The following CD109 variants were observed in gnomAD, a reference collection of about 807,000 sequenced individuals.
The protein encoded by CD109 is CD109 molecule.
In CD109, 149 loss-of-function variants were observed where a neutral mutation model predicts 165.8. The ratio of observed to expected loss-of-function variants is 0.90; its 90% CI spans 0.79 to 1.03. CD109 has a LOEUF of 1.03. Among genes scored for constraint, CD109 ranks in the 50% least tolerant of loss-of-function variants. The pLI is 0.00. For synonymous variants in CD109, 585 were observed against 592.1 expected, an observed-to-expected ratio of 0.99 and a Z score of 0.18; for missense variants, 1,712 against 1,677.8, an observed-to-expected ratio of 1.02 and a Z score of -0.36.
In CD109 at chr6:73,811,159, G is replaced by A. The variant is rs918017965; in HGVS notation, c.3702+12G>A. 8 of 1,607,206 alleles carry A rather than the reference G, an allele frequency of 5.0e-6. No individual in the cohort carries two copies. The African/African-American group carries it at 1.1e-4, about 22-fold the overall frequency. On this transcript the variant is annotated intron_variant, in intron 28 of 32. Coordinates refer to ENST00000287097, the MANE Select transcript of CD109 (RefSeq NM_133493.5). ...TTCAGACAGCAGAGGTGTGGGCAAG[G>A]GGCAGTTATTTAAAAATCAGTGTAG...
chr6:73,826,100 A>AT lies in CD109; in HGVS notation c.*2468dup, dbSNP rs1776269223. The AT allele has an allele frequency of 6.6e-6, 1 of 152,212 alleles. No individual in the cohort carries two copies. The highest frequency in any genetic ancestry group is 1.5e-5 in the Non-Finnish European group (1 of 68,042). 9.4% of individuals were successfully genotyped at this position (152,212 alleles called of 1,614,324 possible). The stretch of plus-strand genomic sequence containing the variant: ...GTTAGCTAGCACTGTCTCCTGGTGC[A>AT]TGGGGCTGTGCAGATGTCCCGGCCA... On this transcript the variant is annotated 3_prime_UTR_variant, in exon 33 of 33. Transcript: ENST00000287097.
intron 23 of CD109, among the ~76,000 whole-genome samples, chr6:73,802,251 G>A (rs924554604): frequency 1.6e-5 from 2 of 124,996 alleles, no homozygotes; most frequent in East Asian, 5.6e-4. Context: ...CACTGAGCAT[G>A]TGTATATGTG....
chr6:73,803,281 T>G lies in CD109; in HGVS notation c.2940T>G (p.Tyr980Ter), dbSNP rs141930087. The G allele has an allele frequency of 6.2e-7, 1 of 1,611,398 alleles. No homozygotes were observed. The highest frequency in any genetic ancestry group is 1.1e-5 in the South Asian group (1 of 90,142). Residue 980 changes from tyrosine (Y) to a stop codon, truncating the protein, a stop_gained, in exon 24 of 33, where the codon TAT becomes TAG. Transcript: ENST00000287097. LOFTEE classifies it high-confidence loss of function. ...EDGSFSAFGN[Y>*]DPSGSTWLSA... ...GCTCTTTCAGTGCTTTTGGGAATTA[T>G]GACCCTTCTGGGAGCACTTGGTAAG...
intron 27 of CD109, 71 bp from the exon 28 acceptor site, chr6:73,810,921 T>C: frequency 6.9e-7 from 1 of 1,442,140 alleles, no homozygotes; most frequent in Non-Finnish European, 9.4e-7. Context: ...AGCAACAAAA[T>C]ACTACTAAAT....
At position 73,736,422 on chromosome 6, in the gene CD109, C is replaced by A. The variant is rs754804143; in HGVS notation, c.547C>A (p.Gln183Lys). ...SNLIQQWLSQ[Q>K]SDLGVISKTF... ...TTTGATCCAACAGTGGTTGTCACAA[C>A]AAAGTGATCTTGGAGTCATTTCCAA... The change falls in exon 5 of 33, where the codon CAA becomes AAA. Residue 183 changes from glutamine (Q) to lysine (K), a missense_variant. Physicochemically the swap from Gln to Lys is moderately conservative, Grantham distance 53 (BLOSUM62 1). Coordinates refer to ENST00000287097, the MANE Select transcript of CD109 (RefSeq NM_133493.5). 3 of 1,613,876 alleles carry A rather than the reference C, an allele frequency of 1.9e-6. No homozygotes were observed. The highest frequency in any genetic ancestry group is 2.5e-6 in the Non-Finnish European group (3 of 1,179,880).
upstream of CD109, among the ~76,000 whole-genome samples, chr6:73,692,178 T>A (rs931223015): frequency 5.3e-5 from 8 of 152,074 alleles, no homozygotes; most frequent in Non-Finnish European, 1.0e-4. Flanking sequence ...ATTGGGGATT[T>A]GACATAAGAT....
chr6:73,693,376 AC>A (rs879801460), upstream of CD109, among the ~76,000 whole-genome samples: 1 of 151,738 alleles, frequency 6.6e-6, no homozygotes, highest in African/African-American at 2.4e-5. Flanking sequence ...GTACTCACTC[AC>A]CCCCCGACCC....
chr6:73,771,631 A>G, intron 15 of CD109, 50 bp downstream of exon 15: 1 of 1,341,294 alleles, frequency 7.5e-7, no homozygotes, highest in Non-Finnish European at 1.0e-6. Context: ...CAAGAGAAAG[A>G]GGAAACTTTA....
chr6:73,725,165 A>G (rs962139862), intron 3 of CD109, among the ~76,000 whole-genome samples: 6 of 152,230 alleles, frequency 3.9e-5, no homozygotes, highest in African/African-American at 1.4e-4. Context: ...GCAATAAAAC[A>G]TTAGATTGCA....
intron 4 of CD109, among the ~76,000 whole-genome samples, chr6:73,731,654 T>C (rs968824356): frequency 2.0e-5 from 3 of 152,228 alleles, no homozygotes; most frequent in Non-Finnish European, 4.4e-5. Flanking sequence ...AGACTTGATG[T>C]AATCTAACTT....
In CD109 at chr6:73,788,472, AAGGAAT is replaced by A. The variant is rs1399525367; in HGVS notation, c.2564_2569del (p.Gly855_Ile856del). On this transcript the variant is annotated inframe_deletion, in exon 22 of 33. Transcript: ENST00000287097. ...TGTGTTCATTTTTTTCAACAGGCTG[AAGGAAT>A]AGAAAAATCATATTCACAATCCATC... 20 of 1,609,818 alleles carry A rather than the reference AAGGAAT, an allele frequency of 1.2e-5. No homozygotes were observed. Among genetic ancestry groups the A allele is most frequent in the Non-Finnish European group, 1.6e-5 (19 of 1,179,066 alleles).
chr6:73,787,577 A>C, intron 21 of CD109, 125 bp downstream of exon 21: 1 of 644,360 alleles, frequency 1.6e-6, no homozygotes, highest in African/African-American at 1.8e-5. Context: ...CCTTCTGGTA[A>C]TGCCTAATCA....
At position 73,766,985 on chromosome 6, in the gene CD109, A is replaced by G; in HGVS notation, c.1472A>G (p.Lys491Arg). The change falls in exon 13 of 33, where the codon AAA becomes AGA. Residue 491 changes from lysine to arginine, a missense_variant. Coordinates refer to ENST00000287097, the MANE Select transcript of CD109 (RefSeq NM_133493.5). ...SPFELVVSGN[K>R]RLKELSYMVV... The stretch of plus-strand genomic sequence containing the variant: ...TTTGAGTTGGTGGTTAGTGGCAACA[A>G]ACGATTGAAGGAGTTAAGCTATATG... 2.5e-6 allele frequency: 4 copies of G among 1,613,776 alleles called. No individual in the cohort carries two copies. Among genetic ancestry groups the G allele is most frequent in the Non-Finnish European group, 3.4e-6 (4 of 1,179,840 alleles).
upstream of CD109, chr6:73,695,961 C>T (rs2150140641): frequency 4.2e-6 from 2 of 481,288 alleles, no homozygotes; most frequent in East Asian, 8.8e-5. Context: ...CGTTTAGCAA[C>T]TGCTTTCTCA....
Position 73,762,389 on chromosome 6 carries a change from C to T in CD109, c.764C>T (p.Thr255Ile), listed in dbSNP as rs184241237. 9 of 1,590,978 alleles carry T rather than the reference C, an allele frequency of 5.7e-6. No homozygotes were observed. The highest frequency in any genetic ancestry group is 1.3e-5 in the African/African-American group (1 of 74,554). Residue 255 changes from threonine (T) to isoleucine (I), a missense_variant, in exon 8 of 33, where the codon ACA (threonine) becomes ATA (isoleucine). Thr to Ile is a moderately conservative substitution (Grantham distance 89). Transcript: ENST00000287097. ...HLNGTITAKY[T>I]YGKPVKGDVT... ...CTATGTTTATAATTATTCAGGTATA[C>T]ATATGGGAAGCCAGTGAAAGGAGAC...
intron 22 of CD109, among the ~76,000 whole-genome samples, chr6:73,789,248 C>T (rs1346963116): frequency 5.3e-5 from 8 of 152,158 alleles, no homozygotes; most frequent in Admixed American, 1.3e-4. Flanking sequence ...TCACTGACTT[C>T]GGTCGCCTCT....
intron 2 of CD109, among the ~76,000 whole-genome samples, chr6:73,708,207 T>A (rs2150153064): frequency 6.6e-6 from 1 of 151,960 alleles, no homozygotes; most frequent in East Asian, 1.9e-4. Flanking sequence ...GTCCAAGTGT[T>A]CTCATTGTTC....
intron 30 of CD109, 131 bp downstream of exon 30, chr6:73,815,254 A>C: frequency 1.6e-6 from 1 of 613,076 alleles, no homozygotes; most frequent in Non-Finnish European, 2.5e-6. Flanking sequence ...ACTACACTTC[A>C]GATTACAAAC....
chr6:73,679,977 G>A, the CD109 span, among the ~76,000 whole-genome samples: 4 of 152,132 alleles, frequency 2.6e-5, no homozygotes, highest in Non-Finnish European at 5.9e-5. Context: ...CATGTTTTAC[G>A]TGGAAAGTTT....
Sources: gnomAD v4.1 joint callset for allele counts (sites outside exome capture counted in the v4.1 genomes callset) on GRCh38, gnomAD v4.1.1 for gene constraint, MANE v1.5 for transcripts, NCBI Gene and HGNC (gene_info 2026-07-23, HGNC 2026-07-21) for gene names.